The following PALLD variants were observed in gnomAD, a reference collection of about 807,000 sequenced individuals.
The protein encoded by PALLD is palladin, cytoskeletal associated protein.
Under a neutral mutation model 123.5 loss-of-function variants are expected in PALLD, and 61 were observed. The observed-to-expected ratio is 0.49, with a 90% CI of 0.40 to 0.61. The LOEUF (loss-of-function observed/expected upper bound fraction) is 0.61. Ranked by LOEUF, PALLD falls within the 20% of genes least tolerant of loss-of-function variation. PALLD has a pLI of 0.00. For missense variants in PALLD, 1,273 were observed against 1,377.0 expected, an observed-to-expected ratio of 0.92 and a Z score of 1.20; for synonymous variants, 465 against 496.4, an observed-to-expected ratio of 0.94 and a Z score of 0.84.
intron 2 of PALLD, among the ~76,000 whole-genome samples, chr4:168,611,886 G>A (rs996193866): frequency 2.0e-5 from 3 of 152,190 alleles, no homozygotes; most frequent in South Asian, 4.1e-4. Flanking sequence ...CAGGCCAGGC[G>A]CCATGGCTCA....
intron 2 of PALLD, among the ~76,000 whole-genome samples, chr4:168,664,790 C>T (rs2149996555): frequency 6.6e-6 from 1 of 151,168 alleles, no homozygotes; most frequent in East Asian, 1.9e-4. Flanking sequence ...AAAAAAAACC[C>T]TGCAAATATT....
At chr4:168,669,186 C>T (rs1002778552) in intron 3 of PALLD, among the ~76,000 whole-genome samples, 4 of 152,078 alleles carry the variant, frequency 2.6e-5, no homozygotes, top group African/African-American at 9.7e-5. Flanking sequence ...TTTAATAGCA[C>T]CAATATCTCC....
intron 10 of PALLD, among the ~76,000 whole-genome samples, chr4:168,803,555 G>A (rs1039193440): frequency 5.3e-5 from 8 of 151,982 alleles, no homozygotes; most frequent in African/African-American, 1.7e-4. Flanking sequence ...GCTTTATGGC[G>A]CACGCCTGCA....
intron 2 of PALLD, among the ~76,000 whole-genome samples, chr4:168,609,345 C>CAAAAAAAAA (rs5863949): frequency 1.4e-5 from 1 of 71,600 alleles, no homozygotes; most frequent in Non-Finnish European, 2.5e-5. Flanking sequence ...AAGCTGTTAC[C>CAAAAAAAAA]AAAAAAAAAA....
intron 10 of PALLD, among the ~76,000 whole-genome samples, chr4:168,746,585 C>A (rs1730353428): frequency 6.6e-6 from 1 of 151,966 alleles, no homozygotes; most frequent in Non-Finnish European, 1.5e-5. Context: ...AATAACAAGC[C>A]CGTTCTCCAT....
At chr4:168,782,638 G>A (rs932707599) in intron 10 of PALLD, among the ~76,000 whole-genome samples, 17 of 152,088 alleles carry the variant, frequency 1.1e-4, no homozygotes, top group Non-Finnish European at 1.9e-4. Context: ...GGCCGGTCAC[G>A]GTGGCTCATG....
chr4:168,703,105 G>T (rs1783855570), intron 8 of PALLD, among the ~76,000 whole-genome samples: 1 of 134,396 alleles, frequency 7.4e-6, no homozygotes, highest in African/African-American at 2.8e-5. Flanking sequence ...TCCCCTTCCT[G>T]TGTCCATGTA....
intron 3 of PALLD, among the ~76,000 whole-genome samples, chr4:168,678,838 CGTGTGTGGT>C (rs1561387312): frequency 3.0e-5 from 4 of 132,650 alleles, no homozygotes; most frequent in South Asian, 2.6e-4. Flanking sequence ...GTATGGTGTG[CGTGTGTGGT>C]GTGTGTGGTG....
chr4:168,777,571 C>T (rs1735344196), intron 10 of PALLD, among the ~76,000 whole-genome samples: 1 of 152,208 alleles, frequency 6.6e-6, no homozygotes, highest in African/African-American at 2.4e-5. Flanking sequence ...GCAGCAGGGA[C>T]TGTGGCAACC....
chr4:168,904,020 C>A, intron 15 of PALLD, 114 bp downstream of exon 15: 1 of 1,088,146 alleles, frequency 9.2e-7, no homozygotes, highest in Non-Finnish European at 1.4e-6. Flanking sequence ...ATTTATGAAA[C>A]TATTTTTCCA....
intron 2 of PALLD, among the ~76,000 whole-genome samples, chr4:168,639,727 G>A (rs542118014): frequency 2.6e-5 from 4 of 151,888 alleles, no homozygotes; most frequent in Non-Finnish European, 5.9e-5. Context: ...GTATTTTTTA[G>A]TAGAGACGGG....
At chr4:168,818,543 A>G (rs1258160087) in intron 10 of PALLD, among the ~76,000 whole-genome samples, 1 of 152,158 alleles carries the variant, frequency 6.6e-6, no homozygotes, top group African/African-American at 2.4e-5. Flanking sequence ...CCATGATTAT[A>G]CCATGTACTC....
chr4:168,537,982 T>A (rs72697224), intron 2 of PALLD, among the ~76,000 whole-genome samples: 3 of 152,342 alleles, frequency 2.0e-5, no homozygotes, highest in Non-Finnish European at 4.4e-5. Flanking sequence ...CAGGTGAGAA[T>A]AACCAGTAAG....
rs1335443008 is a variant in PALLD, at chr4:168,542,636, G to A, written c.908+30224G>A. 1.5e-5 allele frequency among the ~76,000 whole-genome samples: 2 copies of A among 131,828 alleles called. 1 individual carries two copies. The highest frequency in any genetic ancestry group is 3.1e-5 in the Non-Finnish European group (2 of 64,370). 86.5% of individuals were successfully genotyped at this position (131,828 alleles called of 152,430 possible). A position where few individuals can be genotyped will look rare whatever the true frequency, so the allele number is the denominator to read the frequency against. ...CTACTTATGTAAAGCTATATGTAAGGCTCCCTATATATTTATGTAAAGCTC... is the reference window on the plus strand; with the variant it reads ...CTACTTATGTAAAGCTATATGTAAGACTCCCTATATATTTATGTAAAGCTC... On this transcript the variant is annotated intron_variant, in intron 2 of 21. Coordinates refer to ENST00000505667, the MANE Select transcript of PALLD (RefSeq NM_001166108.2).
intron 10 of PALLD, among the ~76,000 whole-genome samples, chr4:168,716,821 C>G (rs1206642796): frequency 6.6e-6 from 1 of 152,216 alleles, no homozygotes; most frequent in Non-Finnish European, 1.5e-5. Flanking sequence ...CAGCCTTTAT[C>G]ATTCTCTTTA....
At chr4:168,515,604 T>C (rs953709967) in intron 2 of PALLD, among the ~76,000 whole-genome samples, 2 of 152,206 alleles carry the variant, frequency 1.3e-5, no homozygotes, top group African/African-American at 2.4e-5. Context: ...AGCTTGGCGG[T>C]TGGCCAATGG....
intron 2 of PALLD, among the ~76,000 whole-genome samples, chr4:168,533,651 G>A (rs1436049357): frequency 6.6e-6 from 1 of 152,198 alleles, no homozygotes; most frequent in Non-Finnish European, 1.5e-5. Context: ...CCTGTGGTCT[G>A]AAATGGGGGC....
At chr4:168,624,497 G>A (rs1775053935) in intron 2 of PALLD, among the ~76,000 whole-genome samples, 1 of 151,792 alleles carries the variant, frequency 6.6e-6, no homozygotes, top group Non-Finnish European at 1.5e-5. Context: ...TGAATCACTG[G>A]GCATAGGTAA....
chr4:168,502,444 A>T (rs1761515683), intron 1 of PALLD, among the ~76,000 whole-genome samples: 2 of 152,226 alleles, frequency 1.3e-5, no homozygotes, highest in African/African-American at 2.4e-5. Flanking sequence ...CTTTAGCGAA[A>T]TGAGCAGGTA....
Sources: allele counts gnomAD v4.1 joint callset (sites outside exome capture counted in the v4.1 genomes callset), GRCh38; gene constraint gnomAD v4.1.1; transcripts MANE v1.5; gene names NCBI Gene and HGNC (gene_info 2026-07-23, HGNC 2026-07-21).